The following TPP2 variants were observed in gnomAD, a reference collection of about 807,000 sequenced individuals.
The protein encoded by TPP2 is tripeptidyl peptidase 2.
A neutral mutation model predicts 155.9 loss-of-function variants in TPP2; 34 were observed. The observed-to-expected ratio is 0.22, with a 90% confidence interval of 0.17 to 0.29. The LOEUF (loss-of-function observed/expected upper bound fraction) is 0.29. TPP2 is among the 10% of genes least tolerant of loss of function. The pLI, the probability that TPP2 is intolerant of heterozygous loss-of-function variation, is 1.00. For synonymous variants in TPP2, 510 were observed against 529.4 expected, an observed-to-expected ratio of 0.96 and a Z score of 0.50; for missense variants, 1,028 against 1,522.3, an observed-to-expected ratio of 0.68 and a Z score of 5.40.
At chr13:102,658,681 GACC>G (rs1417709049) in intron 25 of TPP2, among the ~76,000 whole-genome samples, 1 of 152,196 alleles carries the variant, frequency 6.6e-6, no homozygotes, top group Non-Finnish European at 1.5e-5. Flanking sequence ...TTTGAACCAA[GACC>G]ACTGCCTCCC....
rs9518799 is a variant in TPP2, at chr13:102,637,059, A to G, written c.1679-23A>G. On this transcript the variant is annotated intron_variant, in intron 13 of 29. Coordinates refer to ENST00000376052, the MANE Select transcript of TPP2 (RefSeq NM_001330588.2). The stretch of plus-strand genomic sequence containing the variant: ...AAAAGGAAAAAAATACTCATCTTTA[A>G]TTTTTGGTCTTTTTCGTGCCAGAAA... 331,815 of 1,559,832 alleles carry G rather than the reference A, an allele frequency of 0.21. 37,387 individuals are homozygous for G. Among genetic ancestry groups the G allele is most frequent in the South Asian group, 0.29 (24,032 of 82,974 alleles).
chr13:102,658,493 C>T (rs1883996302), intron 25 of TPP2, among the ~76,000 whole-genome samples: 1 of 152,182 alleles, frequency 6.6e-6, no homozygotes, highest in African/African-American at 2.4e-5. Context: ...TCTGGCATGA[C>T]AGCCTGAGGA....
chr13:102,672,600 A>G (rs1263428851), intron 27 of TPP2, among the ~76,000 whole-genome samples: 3 of 152,170 alleles, frequency 2.0e-5, no homozygotes, highest in Non-Finnish European at 4.4e-5. Context: ...CTGCCTTGTC[A>G]ACCCATTGCT....
At chr13:102,622,752 C>T (rs1378196806) in intron 5 of TPP2, 125 bp from the exon 6 acceptor site, 15 of 1,097,982 alleles carry the variant, frequency 1.4e-5, no homozygotes, top group Non-Finnish European at 1.8e-5. Context: ...ACCAGGCAGT[C>T]ATTATATTTA....
At chr13:102,676,501 A>G (rs1390058338) in intron 29 of TPP2, 86 bp downstream of exon 29, 2 of 1,493,088 alleles carry the variant, frequency 1.3e-6, no homozygotes, top group East Asian at 2.4e-5. Context: ...GGACTGTGAT[A>G]TAGCAATACT....
At chr13:102,606,898 C>T (rs935662935) in intron 2 of TPP2, among the ~76,000 whole-genome samples, 1 of 152,166 alleles carries the variant, frequency 6.6e-6, no homozygotes, top group Non-Finnish European at 1.5e-5. Flanking sequence ...TACATTGAAG[C>T]CCTATCCCTC....
rs1885154243 is a variant in TPP2 at position 102,674,065 on chromosome 13, C to G, written c.3372-218C>G. On this transcript the variant is annotated intron_variant, in intron 27 of 29. Coordinates refer to ENST00000376052, the MANE Select transcript of TPP2 (RefSeq NM_001330588.2). The stretch of plus-strand genomic sequence containing the variant: ...TCCGTTTCAACCAGGTGCAGCTACC[C>G]TAACTCATTTAATCTATATGTGTAA... Among the ~76,000 whole-genome samples the G allele has an allele frequency of 2.0e-5, 3 of 152,226 alleles. No individual in the cohort carries two copies. In the South Asian group the frequency reaches 6.2e-4, roughly 32 times the overall value.
intron 15 of TPP2, among the ~76,000 whole-genome samples, chr13:102,639,531 C>T (rs1305928545): frequency 6.6e-6 from 1 of 152,150 alleles, no homozygotes; most frequent in African/African-American, 2.4e-5. Context: ...GCTTCCCAGG[C>T]TCCGTAACTC....
intron 10 of TPP2, chr13:102,631,293 T>TA (rs1395772307): frequency 2.0e-5 from 3 of 152,214 alleles, no homozygotes; most frequent in Non-Finnish European, 2.9e-5. Context: ...GTTTCCTCTT[T>TA]AAAAAATAAA....
At chr13:102,645,083 GC>G (rs1883015277) in intron 19 of TPP2, 74 bp downstream of exon 19, 3 of 1,395,340 alleles carry the variant, frequency 2.2e-6, no homozygotes, top group African/African-American at 1.9e-5. Flanking sequence ...TTAAAAAAGG[GC>G]CTTTTTTTTT....
Position 102,616,414 on chromosome 13 carries a change from A to G in TPP2, c.409A>G (p.Ile137Val). The part of the protein sequence containing the change: ...ERIQKERKEK[I>V]WDPVHRVALA... ...TTTGCAGAAAGAACGGAAGGAAAAA[A>G]TCTGGGACCCTGTTCACAGAGTGGC... The change falls in exon 4 of 30, where the codon ATC (isoleucine) becomes GTC (valine). Residue 137 changes from isoleucine to valine, a missense_variant. Transcript: ENST00000376052. 1.2e-6 allele frequency: 2 copies of G among 1,611,402 alleles called. No individual in the cohort carries two copies. Among genetic ancestry groups the G allele is most frequent in the Non-Finnish European group, 1.7e-6 (2 of 1,179,172 alleles).
At chr13:102,622,099 A>C (rs1209692001) in intron 5 of TPP2, among the ~76,000 whole-genome samples, 1 of 152,230 alleles carries the variant, frequency 6.6e-6, no homozygotes, top group Admixed American at 6.5e-5. Flanking sequence ...AATATGCTTC[A>C]GTATTTATGA....
chr13:102,600,910 T>C (rs1398207262), intron 1 of TPP2, among the ~76,000 whole-genome samples: 1 of 151,346 alleles, frequency 6.6e-6, no homozygotes, highest in Non-Finnish European at 1.5e-5. Context: ...AAAGACAGGG[T>C]CTCACTCTGT....
chr13:102,650,605 G>T (rs903900195), intron 23 of TPP2, among the ~76,000 whole-genome samples: 1 of 152,102 alleles, frequency 6.6e-6, no homozygotes, highest in Non-Finnish European at 1.5e-5. Flanking sequence ...AGGAAGCATA[G>T]CTGCTCCAGC....
At chr13:102,635,145 C>CA (rs1176469574) in intron 11 of TPP2, among the ~76,000 whole-genome samples, 1 of 152,170 alleles carries the variant, frequency 6.6e-6, no homozygotes, top group African/African-American at 2.4e-5. Flanking sequence ...GGACAGTCCT[C>CA]AGAGATTCTG....
At chr13:102,652,450 ATAT>A (rs1211577890) in intron 24 of TPP2, among the ~76,000 whole-genome samples, 31 of 119,998 alleles carry the variant, frequency 2.6e-4, no homozygotes, top group Non-Finnish European at 4.2e-4. Flanking sequence ...ATATATATAT[ATAT>A]AAAAGGGACC....
intron 27 of TPP2, among the ~76,000 whole-genome samples, chr13:102,670,001 G>A (rs968327188): frequency 1.3e-5 from 2 of 152,154 alleles, no homozygotes; most frequent in African/African-American, 4.8e-5. Context: ...ATATTGATTG[G>A]CTGAGCAGGA....
intron 1 of TPP2, among the ~76,000 whole-genome samples, chr13:102,598,990 G>A (rs1369818668): frequency 6.6e-6 from 1 of 152,160 alleles, no homozygotes; most frequent in African/African-American, 2.4e-5. Flanking sequence ...TAGAAGTACA[G>A]GTTTGTTACA....
In TPP2 at chr13:102,679,779, A is replaced by G. The variant is rs1885514457; in HGVS notation, c.*1463A>G. 1 of 152,240 alleles carries G rather than the reference A, an allele frequency of 6.6e-6. No homozygotes were observed. The highest frequency in any genetic ancestry group is 6.5e-5 in the Admixed American group (1 of 15,276). The allele number at this position is 152,240 out of a possible 1,614,324, so 9.4% of individuals were successfully genotyped here. A position where few individuals can be genotyped will look rare whatever the true frequency, so the allele number is the denominator to read the frequency against. On this transcript the variant is annotated 3_prime_UTR_variant, in exon 30 of 30. Transcript: ENST00000376052. ...AATGGAGAAGCTCAGTAAAGGTAGG[A>G]TGACTTCCCAAGGTTATACGGCTGA... is the stretch of plus-strand genomic sequence containing the variant.
Sources: allele counts gnomAD v4.1 joint callset (sites outside exome capture counted in the v4.1 genomes callset), GRCh38; gene constraint gnomAD v4.1.1; transcripts MANE v1.5; gene names NCBI Gene and HGNC (gene_info 2026-07-23, HGNC 2026-07-21).